Variants in DIS3 observed in about 807,000 individuals in gnomAD.
DIS3 encodes DIS3 exosome endoribonuclease and 3'-5' exoribonuclease, also known as exosome complex exonuclease RRP44.
A neutral mutation model predicts 113.0 loss-of-function variants in DIS3; 103 were observed. The ratio of observed to expected loss-of-function variants is 0.91; its 90% confidence interval spans 0.78 to 1.07. DIS3 has a LOEUF of 1.07. DIS3 is among the 50% of genes least tolerant of loss of function. The probability of loss-of-function intolerance (pLI) is 0.00; values close to 1 mark genes in which losing one functional copy is unlikely to be tolerated. For missense variants in DIS3, 1,121 were observed against 1,167.1 expected (o/e 0.96, Z 0.58); for synonymous variants, 402 against 394.3 (o/e 1.02, Z -0.23).
chr13:72,778,157 T>C (rs1026465734), intron 3 of DIS3, 30 bp downstream of exon 3: 2 of 1,525,332 alleles, frequency 1.3e-6, no homozygotes, highest in South Asian at 1.3e-5. Flanking sequence ...TTTGCAAACA[T>C]GCACTAAGTA....
Position 72,775,367 on chromosome 13 carries a change from T to G in DIS3, c.831A>C (p.Leu277Phe). The change falls in exon 6 of 21, where the codon TTA (leucine) becomes TTC (phenylalanine). Residue 277 changes from leucine (L) to phenylalanine (F), a missense_variant. Physicochemically the swap from Leu to Phe is conservative, Grantham distance 22. Around this residue, in one of 3 missense-constraint regions of DIS3, gnomAD observed 861 missense variants for 915.5 expected, o/e 0.94. Coordinates refer to ENST00000377767, the MANE Select transcript of DIS3 (RefSeq NM_014953.5). Reference sequence around the variant, plus strand: ...CTCTGTTTAAATGTTTAAGTCCCTGTAAGATTATCTGTTTAAAACAACAGA... The same window carrying G: ...CTCTGTTTAAATGTTTAAGTCCCTGGAAGATTATCTGTTTAAAACAACAGA... Reference protein sequence around the residue: ...GDNEENKEIILQGLKHLNRAV... With the variant: ...GDNEENKEIIFQGLKHLNRAV... The G allele has an allele frequency of 6.2e-7, 1 of 1,601,156 alleles. No homozygotes were observed. The highest frequency in any genetic ancestry group is 8.5e-7 in the Non-Finnish European group (1 of 1,175,378).
rs2138131206 is a variant in DIS3 at position 72,756,485 on chromosome 13, G to GAAAT, written c.*3306_*3309dup. On this transcript the variant is annotated 3_prime_UTR_variant, in exon 21 of 21. Transcript: ENST00000377767. The stretch of plus-strand genomic sequence containing the variant: ...AGTTTTTTAATAGTACAAAAGTCAA[G>GAAAT]AAATAACACAATAGTGACTATAACC... 6.6e-6 allele frequency: 1 copy of GAAAT among 152,300 alleles called. No individual in the cohort carries two copies. Among genetic ancestry groups the GAAAT allele is most frequent in the East Asian group, 1.9e-4 (1 of 5,174 alleles). 9.4% of individuals were successfully genotyped at this position (152,300 alleles called of 1,614,324 possible).
In DIS3 at chr13:72,766,000, G is replaced by C. The variant is rs1419736334; in HGVS notation, c.1942C>G (p.Pro648Ala). Residue 648 changes from proline (P) to alanine (A), a missense_variant, in exon 15 of 21, where the codon CCT (proline) becomes GCT (alanine). Physicochemically the swap from Pro to Ala is conservative, Grantham distance 27. Coordinates refer to ENST00000377767, the MANE Select transcript of DIS3 (RefSeq NM_014953.5). ...AGTTCCTTGGTCTGCAGATCTATAG[G>C]ATCGTGAGTTTCACTGTCCATGTGG... ...RFHMDSETHD[P>A]IDLQTKELRE... 2 of 1,611,206 alleles carry C rather than the reference G, an allele frequency of 1.2e-6. No homozygotes were observed. The highest frequency in any genetic ancestry group is 1.7e-5 in the Admixed American group (1 of 59,930).
Position 72,777,324 on chromosome 13 carries a change from C to T in DIS3, c.654+96G>A, listed in dbSNP as rs12874343. 1,235 of 1,195,528 alleles carry T rather than the reference C, an allele frequency of 1.0e-3. 15 individuals carry two copies. The Middle Eastern group carries it at 0.015, about 14-fold the overall frequency. The allele number at this position is 1,195,528 out of a possible 1,614,324, so 74.1% of individuals were successfully genotyped here. On this transcript the variant is annotated intron_variant, in intron 4 of 20. Coordinates refer to ENST00000377767, the MANE Select transcript of DIS3 (RefSeq NM_014953.5). Reference sequence around the variant, plus strand: ...ACTATTCCAAATCCAGCTTACCCACCGACATTCCAATTTTTAAATTTGGTA... The same window carrying T: ...ACTATTCCAAATCCAGCTTACCCACTGACATTCCAATTTTTAAATTTGGTA...
intron 9 of DIS3, 56 bp downstream of exon 9, chr13:72,772,637 A>G: frequency 6.5e-7 from 1 of 1,529,838 alleles, no homozygotes; most frequent in South Asian, 1.3e-5. Context: ...GAAATTAAAC[A>G]AAACTAGGCA....
Position 72,763,710 on chromosome 13 carries a change from G to C in DIS3, c.1971-103C>G, listed in dbSNP as rs2033684189. The C allele has an allele frequency of 4.3e-6, 5 of 1,156,168 alleles. No individual in the cohort carries two copies. The South Asian group carries it at 8.2e-5, about 19-fold the overall frequency. 71.6% of individuals were successfully genotyped at this position (1,156,168 alleles called of 1,614,324 possible). ...CTTTGTTACCAAGAAGATAATAAGA[G>C]CATTTCCTATGTAAACATTCATATG... is the stretch of plus-strand genomic sequence containing the variant. On this transcript the variant is annotated intron_variant, in intron 15 of 20. Transcript: ENST00000377767.
chr13:72,771,253 C>A, intron 11 of DIS3, 108 bp from the exon 12 acceptor site: 1 of 903,324 alleles, frequency 1.1e-6, no homozygotes, highest in Non-Finnish European at 1.7e-6. Context: ...AAAGAGTGTT[C>A]TGCTTTTTGT....
chr13:72,780,075 C>A (rs2138241943), intron 2 of DIS3, among the ~76,000 whole-genome samples: 1 of 152,004 alleles, frequency 6.6e-6, no homozygotes, highest in African/African-American at 2.4e-5. Flanking sequence ...TGCCTGTAAT[C>A]CCACCACTTT....
At chr13:72,775,479 T>C in intron 5 of DIS3, 104 bp from the exon 6 acceptor site, 2 of 1,252,710 alleles carry the variant, frequency 1.6e-6, no homozygotes, top group Non-Finnish European at 2.1e-6. Context: ...AATATCTCTA[T>C]GGAATCTCTA....
chr13:72,755,225 T>G lies in DIS3; in HGVS notation c.*4570A>C. On this transcript the variant is annotated 3_prime_UTR_variant, in exon 21 of 21. Coordinates refer to ENST00000377767, the MANE Select transcript of DIS3 (RefSeq NM_014953.5). ...AATGCAGCAGTCCATAGAATGCCTC[T>G]GTCAGAATCAAAGACTAAGCTTAAG... The G allele has an allele frequency of 6.2e-7, 1 of 1,602,924 alleles. No homozygotes were observed. Among genetic ancestry groups the G allele is most frequent in the Non-Finnish European group, 8.5e-7 (1 of 1,170,370 alleles).
At chr13:72,763,747 T>A in intron 15 of DIS3, 140 bp from the exon 16 acceptor site, 1 of 814,454 alleles carries the variant, frequency 1.2e-6, no homozygotes, top group East Asian at 2.8e-5. Context: ...GTGTGTACAT[T>A]TGTATTTTAA....
Position 72,755,931 on chromosome 13 carries a change from G to T in DIS3, c.*3864C>A, listed in dbSNP as rs986665116. ...TTCCAGCTCAAACGTGGGTAGGGATGTGGGAGAATAAGAATGTGGGAGAAC... is the reference window on the plus strand; with the variant it reads ...TTCCAGCTCAAACGTGGGTAGGGATTTGGGAGAATAAGAATGTGGGAGAAC... On this transcript the variant is annotated 3_prime_UTR_variant, in exon 21 of 21. Transcript: ENST00000377767. The T allele has an allele frequency of 1.5e-5, 6 of 398,646 alleles. No homozygotes were observed. The highest frequency in any genetic ancestry group is 2.2e-5 in the Non-Finnish European group (5 of 226,080). The allele number at this position is 398,646 out of a possible 1,614,324, so 24.7% of individuals were successfully genotyped here.
chr13:72,778,063 C>T, intron 3 of DIS3, 124 bp downstream of exon 3: 1 of 861,150 alleles, frequency 1.2e-6, no homozygotes, highest in Non-Finnish European at 1.6e-6. Flanking sequence ...ACAAAAATAT[C>T]ACATGAAGTT....
chr13:72,768,558 T>C (rs1166414826), intron 14 of DIS3, among the ~76,000 whole-genome samples: 1 of 152,066 alleles, frequency 6.6e-6, no homozygotes, highest in Non-Finnish European at 1.5e-5. Context: ...ACAGGAGAAT[T>C]GTTCGAATTC....
rs1426091076 is a variant in DIS3 at position 72,756,262 on chromosome 13, T to G, written c.*3533A>C. The G allele has an allele frequency of 4.5e-6, 1 of 220,458 alleles. No homozygotes were observed. Among genetic ancestry groups the G allele is most frequent in the South Asian group, 1.9e-4 (1 of 5,352 alleles). The allele number at this position is 220,458 out of a possible 1,614,324, so 13.7% of individuals were successfully genotyped here. A position where few individuals can be genotyped will look rare whatever the true frequency, so the allele number is the denominator to read the frequency against. On this transcript the variant is annotated 3_prime_UTR_variant, in exon 21 of 21. Transcript: ENST00000377767. ...CCTTACTGCTGACCTGCAGAAAATG[T>G]GCCGCGTTATGTACCTGGCTCATCT...
At chr13:72,778,603 G>A (rs2034078342) in intron 2 of DIS3, among the ~76,000 whole-genome samples, 1 of 151,886 alleles carries the variant, frequency 6.6e-6, no homozygotes, top group Admixed American at 6.6e-5. Context: ...TGTTATTAAG[G>A]GGACAAGAAA....
chr13:72,775,853 A>AC, intron 5 of DIS3, 72 bp downstream of exon 5: 1 of 1,245,978 alleles, frequency 8.0e-7, no homozygotes, highest in Non-Finnish European at 1.1e-6. Context: ...AATAGTATTT[A>AC]CCATTAAGTG....
Position 72,781,885 on chromosome 13 carries a change from C to T in DIS3, c.-53G>A, listed in dbSNP as rs1425485424. ...CCAGCAGCGCTCTTCCAGCAAAAGG[C>T]GTCAATCTAGAATACGCCTAACCCC... On this transcript the variant is annotated 5_prime_UTR_variant, in exon 1 of 21. Coordinates refer to ENST00000377767, the MANE Select transcript of DIS3 (RefSeq NM_014953.5). 1.6e-5 allele frequency: 24 copies of T among 1,461,688 alleles called. No individual in the cohort carries two copies. The highest frequency in any genetic ancestry group is 2.1e-5 in the Non-Finnish European group (23 of 1,093,560). 90.5% of individuals were successfully genotyped at this position (1,461,688 alleles called of 1,614,324 possible). A position where few individuals can be genotyped will look rare whatever the true frequency, so the allele number is the denominator to read the frequency against.
rs2033468066 is a variant in DIS3 at position 72,756,199 on chromosome 13, T to TC, written c.*3595_*3596insG. ...GGAATAAAGACCTGTGTTATCAATG[T>TC]GTCATTTTCTTCTTTCCTCCATAAC... On this transcript the variant is annotated 3_prime_UTR_variant, in exon 21 of 21. Transcript: ENST00000377767. The TC allele has an allele frequency of 1.7e-5, 1 of 57,878 alleles. No individual in the cohort carries two copies. The highest frequency in any genetic ancestry group is 1.5e-4 in the African/African-American group (1 of 6,640). The allele number at this position is 57,878 out of a possible 1,614,324, so 3.6% of individuals were successfully genotyped here.
Sources: allele counts gnomAD v4.1 joint callset (sites outside exome capture counted in the v4.1 genomes callset), GRCh38; gene constraint gnomAD v4.1.1; regional missense constraint gnomAD v4.1.1; transcripts MANE v1.5; gene names NCBI Gene and HGNC (gene_info 2026-07-23, HGNC 2026-07-21).